ANKFY1: variants seen among roughly 807,000 people sequenced by gnomAD.
ANKFY1 encodes the protein ankyrin repeat and FYVE domain containing 1.
A neutral mutation model predicts 128.3 loss-of-function variants in ANKFY1; 47 were observed. That is an observed-to-expected ratio of 0.37 (90% CI 0.29 to 0.47). ANKFY1 has a LOEUF of 0.47. Ranked by LOEUF, ANKFY1 falls within the 20% of genes least tolerant of loss-of-function variation. The probability of loss-of-function intolerance (pLI) is 1.00; values close to 1 mark genes in which losing one functional copy is unlikely to be tolerated. For synonymous variants in ANKFY1, 553 were observed against 601.6 expected (o/e 0.92, Z 1.18); for missense variants, 1,222 against 1,510.6 (o/e 0.81, Z 3.17).
At position 4,206,402 on chromosome 17, in the gene ANKFY1, T is replaced by C; in HGVS notation, c.817A>G (p.Thr273Ala). 8 of 1,614,212 alleles carry C rather than the reference T, an allele frequency of 5.0e-6. No individual in the cohort carries two copies. Among genetic ancestry groups the C allele is most frequent in the South Asian group, 1.1e-5 (1 of 91,076 alleles). The change falls in exon 7 of 25, where the codon ACC (threonine) becomes GCC (alanine). Residue 273 changes from threonine to alanine, a missense_variant. By Grantham distance (58) the Thr-to-Ala change is moderately conservative. Coordinates refer to ENST00000341657, the MANE Select transcript of ANKFY1 (RefSeq NM_001330063.2). Reference sequence around the variant, plus strand: ...TCAGCTTTGTGACTAACCAGCGTGGTGGCAATACTCTCCAGTCGTCGTGAG... The same window carrying C: ...TCAGCTTTGTGACTAACCAGCGTGGCGGCAATACTCTCCAGTCGTCGTGAG... ...ALSRRLESIATTLVSHKADVD... is the reference protein window; with the variant it reads ...ALSRRLESIAATLVSHKADVD...
intron 4 of ANKFY1, among the ~76,000 whole-genome samples, chr17:4,210,200 T>C (rs570927673): frequency 1.1e-4 from 17 of 152,184 alleles, no homozygotes; most frequent in Non-Finnish European, 1.3e-4. Flanking sequence ...TTAAGCATAA[T>C]ACCCCAACTG....
intron 1 of ANKFY1, among the ~76,000 whole-genome samples, chr17:4,246,817 A>G (rs1450805431): frequency 6.6e-6 from 1 of 152,222 alleles, no homozygotes; most frequent in Non-Finnish European, 1.5e-5. Context: ...TTAAGAGTTA[A>G]AAGGGCAATC....
chr17:4,248,188 T>C (rs913556679), intron 1 of ANKFY1, among the ~76,000 whole-genome samples: 55 of 152,304 alleles, frequency 3.6e-4, no homozygotes, highest in African/African-American at 1.3e-3. Flanking sequence ...CGGGTACTAG[T>C]TTGTGGCATG....
intron 3 of ANKFY1, among the ~76,000 whole-genome samples, chr17:4,221,715 T>C (rs1044400780): frequency 6.6e-6 from 1 of 152,132 alleles, no homozygotes; most frequent in East Asian, 1.9e-4. Context: ...ATCTCCCAAT[T>C]CAAGCGATTC....
intron 7 of ANKFY1, among the ~76,000 whole-genome samples, chr17:4,200,369 A>G (rs1390865338): frequency 6.6e-6 from 1 of 152,102 alleles, no homozygotes; most frequent in African/African-American, 2.4e-5. Context: ...TGGCCTGGAA[A>G]GTCTTTCAAG....
At chr17:4,248,172 C>A (rs1314019060) in intron 1 of ANKFY1, among the ~76,000 whole-genome samples, 1 of 152,170 alleles carries the variant, frequency 6.6e-6, no homozygotes, top group Non-Finnish European at 1.5e-5. Context: ...ACCTCCAGGC[C>A]GTGGACGGGT....
At chr17:4,170,931 G>A in intron 22 of ANKFY1, 70 bp from the exon 23 acceptor site, 1 of 1,607,296 alleles carries the variant, frequency 6.2e-7, no homozygotes, top group East Asian at 2.2e-5. Context: ...ACGGAGGGCG[G>A]AGGACAGCCA....
intron 1 of ANKFY1, among the ~76,000 whole-genome samples, chr17:4,256,345 G>A (rs1022928217): frequency 1.3e-5 from 2 of 152,148 alleles, no homozygotes; most frequent in Non-Finnish European, 2.9e-5. Context: ...GGAGAACGGC[G>A]TGAACCCGGG....
chr17:4,256,763 T>C (rs578208831), intron 1 of ANKFY1, among the ~76,000 whole-genome samples: 1 of 152,342 alleles, frequency 6.6e-6, no homozygotes, highest in South Asian at 2.1e-4. Context: ...CTTGCTCATT[T>C]TGTCATCTCT....
intron 4 of ANKFY1, among the ~76,000 whole-genome samples, chr17:4,210,601 G>A (rs946663160): frequency 6.7e-6 from 1 of 149,410 alleles, no homozygotes; most frequent in South Asian, 2.1e-4. Context: ...CAAGCTACTC[G>A]GGAGGCTGAG....
intron 3 of ANKFY1, among the ~76,000 whole-genome samples, chr17:4,228,506 T>C (rs12939302): frequency 0.51 from 77,651 of 151,562 alleles, 21,730 homozygotes; most frequent in East Asian, 0.76. Context: ...AACCTCTGCC[T>C]CCCAGGTTCA....
intron 2 of ANKFY1, among the ~76,000 whole-genome samples, chr17:4,236,335 G>A (rs1255185528): frequency 6.6e-6 from 1 of 152,134 alleles, no homozygotes; most frequent in East Asian, 1.9e-4. Flanking sequence ...GCTCAAGCAA[G>A]GTTAAACAGA....
At chr17:4,204,033 C>T (rs569478727) in intron 7 of ANKFY1, among the ~76,000 whole-genome samples, 39 of 152,148 alleles carry the variant, frequency 2.6e-4, no homozygotes, top group Non-Finnish European at 5.4e-4. Flanking sequence ...CCTGCCTGTT[C>T]CACTCTTTAG....
intron 2 of ANKFY1, among the ~76,000 whole-genome samples, chr17:4,237,626 T>C (rs1228116531): frequency 2.6e-5 from 4 of 152,228 alleles, no homozygotes; most frequent in African/African-American, 4.8e-5. Context: ...AGAAAATTTC[T>C]ACCACATTCA....
At chr17:4,173,481 G>C in intron 20 of ANKFY1, 37 bp from the exon 21 acceptor site, 1 of 1,595,988 alleles carries the variant, frequency 6.3e-7, no homozygotes, top group Non-Finnish European at 8.6e-7. Context: ...AAGCCCAGAA[G>C]CACATGCAGA....
intron 1 of ANKFY1, among the ~76,000 whole-genome samples, chr17:4,258,282 T>C (rs1326723764): frequency 1.3e-5 from 2 of 152,102 alleles, no homozygotes; most frequent in Non-Finnish European, 2.9e-5. Flanking sequence ...TCCCAGCACT[T>C]TGGGAGGCCG....
chr17:4,242,940 G>C (rs1422211800), intron 1 of ANKFY1, among the ~76,000 whole-genome samples: 1 of 152,156 alleles, frequency 6.6e-6, no homozygotes, highest in Non-Finnish European at 1.5e-5. Context: ...AGGAGAAAAG[G>C]CTACCAAAAT....
At chr17:4,213,456 G>C (rs555209133) in intron 4 of ANKFY1, among the ~76,000 whole-genome samples, 1 of 152,076 alleles carries the variant, frequency 6.6e-6, no homozygotes, top group South Asian at 2.1e-4. Context: ...ATCTCTCCCA[G>C]GGCACTTTAA....
intron 3 of ANKFY1, among the ~76,000 whole-genome samples, chr17:4,217,875 G>A (rs1020992912): frequency 9.2e-5 from 14 of 151,934 alleles, no homozygotes; most frequent in African/African-American, 2.2e-4. Flanking sequence ...TTGCAGAGAC[G>A]GTTTCACCAT....
Sources: allele counts gnomAD v4.1 joint callset (sites outside exome capture counted in the v4.1 genomes callset), GRCh38; gene constraint gnomAD v4.1.1; transcripts MANE v1.5; gene names NCBI Gene and HGNC (gene_info 2026-07-23, HGNC 2026-07-21).